Variants in CCDC88A observed in about 807,000 individuals in gnomAD.
CCDC88A encodes the protein girdin.
In CCDC88A, 54 loss-of-function variants were observed where a neutral mutation model predicts 234.3. The ratio of observed to expected loss-of-function variants is 0.23; its 90% CI spans 0.19 to 0.29. The LOEUF (loss-of-function observed/expected upper bound fraction) is 0.29. CCDC88A is among the 10% of genes least tolerant of loss of function. CCDC88A has a pLI of 1.00. For missense variants in CCDC88A, 1,832 were observed against 2,123.4 expected, an observed-to-expected ratio of 0.86 and a Z score of 2.70; for synonymous variants, 753 against 737.8, an observed-to-expected ratio of 1.02 and a Z score of -0.33.
chr2:55,416,443 A>AATAAATAT (rs1553442861), intron 2 of CCDC88A, among the ~76,000 whole-genome samples: 4 of 15,838 alleles, frequency 2.5e-4, no homozygotes, highest in East Asian at 1.3e-3. Context: ...TAAATAAATA[A>AATAAATAT]ATATATATAT....
chr2:55,291,645 A>T, intron 32 of CCDC88A, 31 bp downstream of exon 32: 1 of 985,134 alleles, frequency 1.0e-6, no homozygotes, highest in Non-Finnish European at 1.6e-6. Context: ...AATGAGACTA[A>T]TCTCATTTAC....
At chr2:55,365,028 TG>T (rs1574295496) in intron 5 of CCDC88A, among the ~76,000 whole-genome samples, 3 of 152,196 alleles carry the variant, frequency 2.0e-5, no homozygotes, top group Non-Finnish European at 4.4e-5. Flanking sequence ...ATGCTTTACG[TG>T]TTTATTTTAT....
At chr2:55,372,590 T>C (rs1285526143) in intron 4 of CCDC88A, 80 bp from the exon 5 acceptor site, 2 of 704,170 alleles carry the variant, frequency 2.8e-6, no homozygotes, top group Non-Finnish European at 2.5e-6. Flanking sequence ...CTTCTAGAGG[T>C]AATTATGCAC....
chr2:55,412,231 C>T (rs1446012906), intron 2 of CCDC88A, among the ~76,000 whole-genome samples: 1 of 152,182 alleles, frequency 6.6e-6, no homozygotes, highest in Non-Finnish European at 1.5e-5. Flanking sequence ...AACAGTAATA[C>T]TGCAAAGCAA....
chr2:55,391,016 C>T (rs909046385), intron 2 of CCDC88A, among the ~76,000 whole-genome samples: 10 of 152,162 alleles, frequency 6.6e-5, no homozygotes, highest in African/African-American at 1.9e-4. Flanking sequence ...TTTGGCTAAA[C>T]ACTAAATTGT....
intron 2 of CCDC88A, among the ~76,000 whole-genome samples, chr2:55,403,185 C>A (rs1342266131): frequency 6.6e-6 from 1 of 152,184 alleles, no homozygotes; most frequent in African/African-American, 2.4e-5. Flanking sequence ...GAGGAACTGT[C>A]TGCCCAGTAC....
chr2:55,347,356 G>C (rs919312004), intron 9 of CCDC88A, among the ~76,000 whole-genome samples: 6 of 151,990 alleles, frequency 3.9e-5, no homozygotes, highest in Non-Finnish European at 7.4e-5. Flanking sequence ...AATAACCTAA[G>C]ACATTATTTG....
intron 3 of CCDC88A, among the ~76,000 whole-genome samples, chr2:55,385,998 C>T (rs959479035): frequency 8.1e-5 from 12 of 148,274 alleles, no homozygotes; most frequent in African/African-American, 1.7e-4. Flanking sequence ...CCGAGGCAGG[C>T]GGATTACCTG....
At chr2:55,339,437 T>A (rs1324087216) in intron 13 of CCDC88A, 27 bp downstream of exon 13, 4 of 1,450,600 alleles carry the variant, frequency 2.8e-6, no homozygotes, top group Non-Finnish European at 3.7e-6. Flanking sequence ...TTTTTAACAT[T>A]AAAATAAACA....
Position 55,343,673 on chromosome 2 carries a change from T to C in CCDC88A, c.1308A>G (p.Ile436Met), listed in dbSNP as rs772526922. ...SLHLGWELEQ[I>M]SRTSELSEAP... ...CTTCGGAAAGTTCACTAGTTCTGGA[T>C]ATCTGTTCCAGTTCCCAGCCAAGAT... The change falls in exon 12 of 33, where the codon ATA becomes ATG. Residue 436 changes from isoleucine (I) to methionine (M), a missense_variant. Transcript: ENST00000436346. The C allele has an allele frequency of 1.9e-6, 3 of 1,609,754 alleles. No individual in the cohort carries two copies. The African/African-American group carries it at 4.0e-5, about 22-fold the overall frequency.
intron 2 of CCDC88A, chr2:55,417,812 G>C (rs890602036): frequency 1.3e-5 from 2 of 151,996 alleles, no homozygotes; most frequent in African/African-American, 4.8e-5. Flanking sequence ...GGTTATCAGA[G>C]CAGAATGGTA....
rs901800246 is a variant in CCDC88A, at chr2:55,390,160, T to C, written c.165-1274A>G. The stretch of plus-strand genomic sequence containing the variant: ...ACCAAACAAAAACAACTTAGAAAAC[T>C]GAGTGGTATCGTTTTACTATTTTTG... On this transcript the variant is annotated intron_variant, in intron 2 of 32. Coordinates refer to ENST00000436346, the MANE Select transcript of CCDC88A (RefSeq NM_001365480.1). 3.3e-5 allele frequency among the ~76,000 whole-genome samples: 4 copies of C among 121,724 alleles called. No homozygotes were observed. In the East Asian group the frequency reaches 7.2e-4, roughly 22 times the overall value. 79.9% of individuals were successfully genotyped at this position (121,724 alleles called of 152,430 possible).
intron 2 of CCDC88A, among the ~76,000 whole-genome samples, chr2:55,409,457 C>T (rs1035153215): frequency 2.6e-5 from 4 of 152,218 alleles, no homozygotes; most frequent in Non-Finnish European, 4.4e-5. Flanking sequence ...TATCATGGCA[C>T]AGATACCACA....
intron 7 of CCDC88A, among the ~76,000 whole-genome samples, chr2:55,360,197 T>C (rs1671104813): frequency 6.6e-6 from 1 of 152,226 alleles, no homozygotes; most frequent in African/African-American, 2.4e-5. Context: ...ATACTTGTTC[T>C]ATAGCATTAA....
intron 2 of CCDC88A, among the ~76,000 whole-genome samples, chr2:55,408,842 C>T (rs1281261330): frequency 6.6e-6 from 1 of 152,100 alleles, no homozygotes; most frequent in African/African-American, 2.4e-5. Flanking sequence ...ATTGGGACCC[C>T]TTTCCAGTAA....
intron 8 of CCDC88A, 197 bp from the exon 9 acceptor site, chr2:55,349,796 C>A (rs1669641604): frequency 2.1e-6 from 1 of 472,762 alleles, no homozygotes; most frequent in Admixed American, 3.9e-5. Flanking sequence ...AAACCTCTTC[C>A]CTAATGTTTT....
At chr2:55,391,807 T>C (rs759863393) in intron 2 of CCDC88A, among the ~76,000 whole-genome samples, 4 of 152,190 alleles carry the variant, frequency 2.6e-5, no homozygotes, top group African/African-American at 9.7e-5. Flanking sequence ...TATTACTACA[T>C]AGTCCCATCT....
At chr2:55,384,386 C>A (rs1335969638) in intron 3 of CCDC88A, among the ~76,000 whole-genome samples, 1 of 149,532 alleles carries the variant, frequency 6.7e-6, no homozygotes, top group African/African-American at 2.5e-5. Context: ...AATTTCCTGG[C>A]ACTAGAACTA....
At chr2:55,390,053 A>AAAAAAAAAAAAT in intron 2 of CCDC88A, among the ~76,000 whole-genome samples, 1 of 79,780 alleles carries the variant, frequency 1.3e-5, no homozygotes, top group African/African-American at 4.6e-5. Flanking sequence ...AAAAAAATAA[A>AAAAAAAAAAAAT]AAATAAAGAT....
Sources: allele counts gnomAD v4.1 joint callset (sites outside exome capture counted in the v4.1 genomes callset), GRCh38; gene constraint gnomAD v4.1.1; transcripts MANE v1.5; gene names NCBI Gene and HGNC (gene_info 2026-07-23, HGNC 2026-07-21).